CCDC191: variants seen among roughly 807,000 people sequenced by gnomAD.
CCDC191 encodes coiled-coil domain-containing protein 191.
In CCDC191, 99 loss-of-function variants were observed where a neutral mutation model predicts 114.0. The observed-to-expected ratio is 0.87, with a 90% CI of 0.74 to 1.03. The LOEUF (loss-of-function observed/expected upper bound fraction) is 1.03, where lower values mean the gene tolerates loss of function less well. CCDC191 is among the 50% of genes least tolerant of loss of function. The pLI, the probability that CCDC191 is intolerant of heterozygous loss-of-function variation, is 0.00. For synonymous variants in CCDC191, 351 were observed against 376.0 expected (o/e 0.93, Z 0.77); for missense variants, 973 against 1,087.0 (o/e 0.90, Z 1.47).
intron 13 of CCDC191, among the ~76,000 whole-genome samples, chr3:114,000,291 C>T (rs1201765875): frequency 6.6e-6 from 1 of 151,168 alleles, no homozygotes; most frequent in Non-Finnish European, 1.5e-5. Context: ...GAATTTGCCC[C>T]TTTTTGCTTC....
chr3:113,999,491 T>G (rs944028358), intron 13 of CCDC191, among the ~76,000 whole-genome samples: 1 of 152,140 alleles, frequency 6.6e-6, no homozygotes, highest in Non-Finnish European at 1.5e-5. Flanking sequence ...GGGTGTCTCT[T>G]AGTATTAACA....
chr3:113,978,048 G>A (rs918993787), intron 16 of CCDC191, 138 bp downstream of exon 16: 4 of 859,414 alleles, frequency 4.7e-6, no homozygotes, highest in East Asian at 2.5e-5. Flanking sequence ...CTGGTGAGCC[G>A]GGACTCCCAC....
At chr3:113,974,148 T>C (rs1369277826) in intron 16 of CCDC191, among the ~76,000 whole-genome samples, 1 of 152,080 alleles carries the variant, frequency 6.6e-6, no homozygotes, top group Non-Finnish European at 1.5e-5. Flanking sequence ...TTGTTAAATT[T>C]ATCTGAAAAA....
intron 13 of CCDC191, among the ~76,000 whole-genome samples, chr3:113,985,274 T>C (rs2075311651): frequency 6.6e-6 from 1 of 152,110 alleles, no homozygotes; most frequent in Non-Finnish European, 1.5e-5. Context: ...CATTCTTCCT[T>C]AGGAAACAAA....
At chr3:114,042,059 G>A (rs137912186) in intron 4 of CCDC191, among the ~76,000 whole-genome samples, 3 of 151,876 alleles carry the variant, frequency 2.0e-5, no homozygotes, top group Non-Finnish European at 4.4e-5. Flanking sequence ...TAAATAAGAA[G>A]CATTTTATAA....
rs114145740 is a variant in CCDC191, at chr3:114,016,352, C to T, written c.1163+2326G>A. On this transcript the variant is annotated intron_variant, in intron 8 of 16. Coordinates refer to ENST00000295878, the MANE Select transcript of CCDC191 (RefSeq NM_020817.2). The stretch of plus-strand genomic sequence containing the variant: ...AAGCAACTGAGTTCTTCATTTGTTC[C>T]CTGACTTGCTTATTATTCAACAAGT... Among the ~76,000 whole-genome samples, 1,100 of 152,208 alleles carry T rather than the reference C, an allele frequency of 7.2e-3. 14 individuals are homozygous for T. Among genetic ancestry groups the T allele is most frequent in the African/African-American group, 0.025 (1,058 of 41,512 alleles).
chr3:114,056,403 G>A lies in CCDC191; in HGVS notation c.64C>T (p.Arg22Trp), dbSNP rs1393240733. 3.1e-6 allele frequency: 5 copies of A among 1,614,018 alleles called. No individual in the cohort carries two copies. The highest frequency in any genetic ancestry group is 2.2e-5 in the South Asian group (2 of 91,090). The change falls in exon 1 of 17, where the codon CGG (arginine) becomes TGG (tryptophan). Residue 22 changes from arginine to tryptophan, a missense_variant. Coordinates refer to ENST00000295878, the MANE Select transcript of CCDC191 (RefSeq NM_020817.2). Reference sequence around the variant, plus strand: ...TTGGGACTCGGCTTCCTTGTGAACCGTTTCCAGCGATTCAGCCCCATCCTT... The same window carrying A: ...TTGGGACTCGGCTTCCTTGTGAACCATTTCCAGCGATTCAGCCCCATCCTT... ...KKRMGLNRWK[R>W]FTRKPSPKPT...
At chr3:114,017,600 CTGAA>C (rs771953354) in intron 8 of CCDC191, among the ~76,000 whole-genome samples, 2 of 152,112 alleles carry the variant, frequency 1.3e-5, no homozygotes, top group Admixed American at 6.5e-5. Flanking sequence ...ATTTTTCATC[CTGAA>C]TGAATGACAG....
At chr3:114,020,509 A>G (rs753329494) in intron 7 of CCDC191, among the ~76,000 whole-genome samples, 1 of 152,130 alleles carries the variant, frequency 6.6e-6, no homozygotes, top group African/African-American at 2.4e-5. Flanking sequence ...TTTGGAGAGG[A>G]TGAAAGGGAG....
chr3:113,971,251 C>T (rs897700998), intron 16 of CCDC191, among the ~76,000 whole-genome samples: 47 of 152,008 alleles, frequency 3.1e-4, no homozygotes, highest in African/African-American at 7.7e-4. Context: ...TTTTAATGAT[C>T]GCCATTCTAA....
Position 114,043,714 on chromosome 3 carries a change from G to A in CCDC191, c.272-868C>T, listed in dbSNP as rs1263584068. On this transcript the variant is annotated intron_variant, in intron 3 of 16. Coordinates refer to ENST00000295878, the MANE Select transcript of CCDC191 (RefSeq NM_020817.2). Reference sequence around the variant, plus strand: ...CATTAAGTTAAAATAAACTATAGGGGATAAGCACGGAGGTAGGGAACACCA... The same window carrying A: ...CATTAAGTTAAAATAAACTATAGGGAATAAGCACGGAGGTAGGGAACACCA... Among the ~76,000 whole-genome samples, 3 of 152,162 alleles carry A rather than the reference G, an allele frequency of 2.0e-5. No homozygotes were observed. The East Asian group carries it at 5.8e-4, about 29-fold the overall frequency.
chr3:114,005,965 G>A lies in CCDC191; in HGVS notation c.1414-3C>T. The A allele has an allele frequency of 1.2e-6, 2 of 1,611,582 alleles. No homozygotes were observed. Among genetic ancestry groups the A allele is most frequent in the Non-Finnish European group, 1.7e-6 (2 of 1,177,980 alleles). On this transcript the variant is annotated splice_polypyrimidine_tract_variant and splice_region_variant and intron_variant, in intron 9 of 16. Transcript: ENST00000295878. ...CACAAAGGGGGCACAGCAGTCTCCT[G>A]AGAGAGAGAAACATGTTATAGCTCA...
At chr3:114,020,134 T>G (rs1414880802) in intron 7 of CCDC191, among the ~76,000 whole-genome samples, 1 of 152,186 alleles carries the variant, frequency 6.6e-6, no homozygotes, top group Non-Finnish European at 1.5e-5. Flanking sequence ...ATTTACTGCT[T>G]CTTTCTCTAT....
At chr3:114,017,719 C>T (rs35745351) in intron 8 of CCDC191, among the ~76,000 whole-genome samples, 33,496 of 152,078 alleles carry the variant, frequency 0.22, 4,462 homozygotes, top group Middle Eastern at 0.37. Flanking sequence ...GAACAGCACA[C>T]ACCAGGGCCT....
At position 114,010,780 on chromosome 3, in the gene CCDC191, T is replaced by G. The variant is rs775483992; in HGVS notation, c.1405A>C (p.Asn469His). The G allele has an allele frequency of 1.3e-5, 21 of 1,606,846 alleles. No homozygotes were observed. The highest frequency in any genetic ancestry group is 1.7e-5 in the Non-Finnish European group (20 of 1,175,886). The change falls in exon 9 of 17, where the codon AAT (asparagine) becomes CAT (histidine). Residue 469 changes from asparagine to histidine, a missense_variant. Coordinates refer to ENST00000295878, the MANE Select transcript of CCDC191 (RefSeq NM_020817.2). ...CAGGAAAAACAACGTACCTGTCCAT[T>G]TTTTACTGGTGGACCCACCATGGCT... is the stretch of plus-strand genomic sequence containing the variant. ...ATAMVGPPVK[N>H]GQETAVPPLW...
At chr3:114,055,499 T>C (rs2076759722) in intron 1 of CCDC191, among the ~76,000 whole-genome samples, 1 of 152,194 alleles carries the variant, frequency 6.6e-6, no homozygotes, top group Admixed American at 6.5e-5. Context: ...GCTGGTAAAT[T>C]TAGAATAAAT....
chr3:114,010,596 T>G (rs1453355834), intron 9 of CCDC191, among the ~76,000 whole-genome samples, 176 bp downstream of exon 9: 2 of 152,180 alleles, frequency 1.3e-5, no homozygotes, highest in Non-Finnish European at 2.9e-5. Flanking sequence ...AGTTTATATA[T>G]GATTATAAAA....
chr3:114,027,429 C>T (rs1001618040), intron 7 of CCDC191, among the ~76,000 whole-genome samples: 1 of 147,578 alleles, frequency 6.8e-6, no homozygotes, highest in Non-Finnish European at 1.5e-5. Context: ...GCCTGGCCAA[C>T]ATGGTGAAAC....
Position 113,983,052 on chromosome 3 carries a change from C to T in CCDC191, c.2164-2259G>A, listed in dbSNP as rs116705528. The stretch of plus-strand genomic sequence containing the variant: ...GAATGAGGCTCCTTTCCTAGAACAC[C>T]ACTGAAAGCCCTGTTGCCTAGGTCA... On this transcript the variant is annotated intron_variant, in intron 13 of 16. Coordinates refer to ENST00000295878, the MANE Select transcript of CCDC191 (RefSeq NM_020817.2). 6.3e-3 allele frequency among the ~76,000 whole-genome samples: 956 copies of T among 152,190 alleles called. 10 individuals are homozygous for T. Among genetic ancestry groups the T allele is most frequent in the African/African-American group, 0.022 (920 of 41,534 alleles).
Sources: allele counts gnomAD v4.1 joint callset (sites outside exome capture counted in the v4.1 genomes callset), GRCh38; gene constraint gnomAD v4.1.1; transcripts MANE v1.5; gene names NCBI Gene and HGNC (gene_info 2026-07-23, HGNC 2026-07-21).